Variants in OSCAR observed in about 807,000 individuals in gnomAD.
The protein encoded by OSCAR is osteoclast-associated immunoglobulin-like receptor.
A neutral mutation model predicts 27.3 loss-of-function variants in OSCAR; 25 were observed. The observed-to-expected ratio is 0.92, with a 90% CI of 0.67 to 1.28. The LOEUF (loss-of-function observed/expected upper bound fraction) is 1.28. Ranked by LOEUF, OSCAR falls within the 50% of genes most tolerant of loss-of-function variation. The pLI, the probability that OSCAR is intolerant of heterozygous loss-of-function variation, is 0.00. For missense variants in OSCAR, 354 were observed against 355.1 expected (o/e 1.00, Z 0.03); for synonymous variants, 158 against 165.7 (o/e 0.95, Z 0.36).
At position 54,095,359 on chromosome 19, in the gene OSCAR, T is replaced by A. The variant is rs767886367; in HGVS notation, c.656-2A>T. On this transcript the variant is annotated splice_acceptor_variant, in intron 4 of 4. Coordinates refer to ENST00000358375, the MANE Select transcript of OSCAR (RefSeq NM_133169.6). LOFTEE classifies it high-confidence loss of function. ...GGGTGTAGTCGGAGGAGCCAGAGTC[T>A]GCGGGCGGAGCCGGGAGAGAGGGGC... 6.4e-7 allele frequency: 1 copy of A among 1,556,376 alleles called. No individual in the cohort carries two copies. Among genetic ancestry groups the A allele is most frequent in the South Asian group, 1.2e-5 (1 of 84,576 alleles).
rs1166909767 is a variant in OSCAR, at chr19:54,096,164, G to T, written c.374-11C>A. ...GCCGCGGCAGCTCCTCTGCAGAGAC[G>T]GGGTGAGAGTCCGGGGCCGCGTGAG... is the stretch of plus-strand genomic sequence containing the variant. On this transcript the variant is annotated splice_polypyrimidine_tract_variant and intron_variant, in intron 3 of 4. Transcript: ENST00000358375. 18 of 1,500,132 alleles carry T rather than the reference G, an allele frequency of 1.2e-5. No individual in the cohort carries two copies. Among genetic ancestry groups the T allele is most frequent in the Non-Finnish European group, 1.6e-5 (18 of 1,133,970 alleles). 92.9% of individuals were successfully genotyped at this position (1,500,132 alleles called of 1,614,324 possible).
Position 54,095,859 on chromosome 19 carries a change from T to A in OSCAR, c.655+13A>T. On this transcript the variant is annotated intron_variant, in intron 4 of 4. Transcript: ENST00000358375. ...TGGGGCGGAGGAGGCGGGCCGGGCC[T>A]CAGGGCCCTCACCTTCCCAGCTGAT... 6.4e-7 allele frequency: 1 copy of A among 1,552,870 alleles called. No homozygotes were observed. Among genetic ancestry groups the A allele is most frequent in the Non-Finnish European group, 8.7e-7 (1 of 1,147,714 alleles).
chr19:54,098,062 A>T (rs1355786785), intron 2 of OSCAR, among the ~76,000 whole-genome samples: 2 of 152,018 alleles, frequency 1.3e-5, no homozygotes, highest in African/African-American at 4.8e-5. Context: ...CTTTTTTTTT[A>T]AACTATAAAA....
intron 2 of OSCAR, among the ~76,000 whole-genome samples, chr19:54,099,253 T>TTTC (rs2072919650): frequency 7.4e-6 from 1 of 134,278 alleles, no homozygotes; most frequent in Non-Finnish European, 1.6e-5. Context: ...TTTTTTTTTT[T>TTTC]AGTAGAGACG....
In OSCAR at chr19:54,099,787, G is replaced by C; in HGVS notation, c.38-7C>G. 6.2e-7 allele frequency: 1 copy of C among 1,606,938 alleles called. No homozygotes were observed. Among genetic ancestry groups the C allele is most frequent in the South Asian group, 1.1e-5 (1 of 90,024 alleles). On this transcript the variant is annotated splice_region_variant and splice_polypyrimidine_tract_variant and intron_variant, in intron 1 of 4. Transcript: ENST00000358375. ...TCTGTGTGACACAGAGGCCCTGTAG[G>C]AGGTTGAGGGACTAGTTTCTTTTTC...
Position 54,094,996 on chromosome 19 carries a change from G to T in OSCAR, c.*225C>A. On this transcript the variant is annotated 3_prime_UTR_variant, in exon 5 of 5. Transcript: ENST00000358375. The stretch of plus-strand genomic sequence containing the variant: ...GGCAGTGCTGGGATTCGAACCCTCT[G>T]TCTTCTGGCTTGGAAGTCTTAACCA... The T allele has an allele frequency of 3.2e-6, 2 of 627,560 alleles. No homozygotes were observed. Among genetic ancestry groups the T allele is most frequent in the Non-Finnish European group, 4.9e-6 (2 of 408,086 alleles). 38.9% of individuals were successfully genotyped at this position (627,560 alleles called of 1,614,324 possible). A position where few individuals can be genotyped will look rare whatever the true frequency, so the allele number is the denominator to read the frequency against.
At chr19:54,099,059 T>G (rs946290829) in intron 2 of OSCAR, among the ~76,000 whole-genome samples, 24 of 149,362 alleles carry the variant, frequency 1.6e-4, no homozygotes, top group Middle Eastern at 6.8e-3. Flanking sequence ...AAAGAGTTTT[T>G]TTTGTTTGTT....
rs763526062 is a variant in OSCAR, at chr19:54,095,959, G to C, written c.568C>G (p.Pro190Ala). ...ADFTLLGARA[P>A]GTYSCYYHTP... is the part of the protein sequence containing the mutation. ...TGATAGTAGCAGCTGTAGGTGCCGG[G>C]GGCGCGGGCGCCCAGCAGCGTGAAG... The change falls in exon 4 of 5, where the codon CCC (proline) becomes GCC (alanine). Residue 190 changes from proline (P) to alanine (A), a missense_variant. Transcript: ENST00000358375. 1.3e-6 allele frequency: 2 copies of C among 1,590,518 alleles called. No individual in the cohort carries two copies. The highest frequency in any genetic ancestry group is 8.6e-7 in the Non-Finnish European group (1 of 1,169,274).
intron 4 of OSCAR, chr19:54,095,589 G>A (rs2072603616): frequency 6.0e-6 from 7 of 1,176,150 alleles, no homozygotes; most frequent in Non-Finnish European, 8.1e-6. Context: ...GGTCCAGGAA[G>A]GAGGGGCTGG....
chr19:54,100,141 T>A (rs745693856), intron 1 of OSCAR, among the ~76,000 whole-genome samples: 3 of 152,160 alleles, frequency 2.0e-5, no homozygotes, highest in Non-Finnish European at 4.4e-5. Context: ...TCAAAACCCT[T>A]TGTGGCCAGC....
Position 54,096,076 on chromosome 19 carries a change from C to G in OSCAR, c.451G>C (p.Ala151Pro), listed in dbSNP as rs747132878. ...AAGCTCATGTTCCGCAGGCGGCCCGCGCAGCGCAGGCTCACGTTGGCGCCA... is the reference window on the plus strand; with the variant it reads ...AAGCTCATGTTCCGCAGGCGGCCCGGGCAGCGCAGGCTCACGTTGGCGCCA... ...GPGANVSLRC[A>P]GRLRNMSFVL... The change falls in exon 4 of 5, where the codon GCG (alanine) becomes CCG (proline). Residue 151 changes from alanine (A) to proline (P), a missense_variant. By Grantham distance (27) the Ala-to-Pro change is conservative. Coordinates refer to ENST00000358375, the MANE Select transcript of OSCAR (RefSeq NM_133169.6). 1.4e-5 allele frequency: 21 copies of G among 1,536,264 alleles called. No individual in the cohort carries two copies. The highest frequency in any genetic ancestry group is 1.8e-5 in the Non-Finnish European group (21 of 1,146,668).
chr19:54,099,896 T>G (rs1474275061), intron 1 of OSCAR, 116 bp from the exon 2 acceptor site: 3 of 1,233,826 alleles, frequency 2.4e-6, no homozygotes, highest in African/African-American at 1.5e-5. Context: ...CACTGCAACC[T>G]CTGCCTCCCA....
chr19:54,099,703 AG>A, intron 2 of OSCAR, 44 bp downstream of exon 2: 1 of 1,613,742 alleles, frequency 6.2e-7, no homozygotes, highest in Non-Finnish European at 8.5e-7. Flanking sequence ...TAATTGGAAA[AG>A]GGGTGTCAGC....
chr19:54,095,701 G>T, intron 4 of OSCAR, 171 bp downstream of exon 4: 1 of 1,162,930 alleles, frequency 8.6e-7, no homozygotes, highest in Non-Finnish European at 1.2e-6. Flanking sequence ...TCTGAGGGAG[G>T]AGGGGCTGGG....
At chr19:54,099,265 G>C (rs2072922034) in intron 2 of OSCAR, among the ~76,000 whole-genome samples, 1 of 117,942 alleles carries the variant, frequency 8.5e-6, no homozygotes. Context: ...GTAGAGACGG[G>C]GTTTCACCAC....
chr19:54,097,075 G>A lies in OSCAR; in HGVS notation c.160C>T (p.Arg54Trp), dbSNP rs138291432. 55 of 1,614,194 alleles carry A rather than the reference G, an allele frequency of 3.4e-5. No homozygotes were observed. The African/African-American group carries it at 6.3e-4, about 18-fold the overall frequency. The change falls in exon 3 of 5, where the codon CGG becomes TGG. Residue 54 changes from arginine to tryptophan, a missense_variant. Arg to Trp is a moderately radical substitution (Grantham distance 101). Coordinates refer to ENST00000358375, the MANE Select transcript of OSCAR (RefSeq NM_133169.6). ...TPGVNVTLRCRAPQPAWRFGL... is the reference protein window; with the variant it reads ...TPGVNVTLRCWAPQPAWRFGL... Reference sequence around the variant, plus strand: ...AATCTCCAAGCGGGTTGGGGTGCCCGGCATCTCAAGGTCACGTTGACCCCA... The same window carrying A: ...AATCTCCAAGCGGGTTGGGGTGCCCAGCATCTCAAGGTCACGTTGACCCCA...
At position 54,095,188 on chromosome 19, in the gene OSCAR, G is replaced by A. The variant is rs2072564478; in HGVS notation, c.*33C>T. ...GGGTCCCAGCTTCTCCGCCACTCAG[G>A]TTGGAAGTCTCGGGCTGCAGTGCTC... On this transcript the variant is annotated 3_prime_UTR_variant, in exon 5 of 5. Coordinates refer to ENST00000358375, the MANE Select transcript of OSCAR (RefSeq NM_133169.6). The A allele has an allele frequency of 1.2e-5, 19 of 1,602,472 alleles. No homozygotes were observed. The highest frequency in any genetic ancestry group is 1.5e-5 in the Non-Finnish European group (18 of 1,173,984).
Position 54,095,278 on chromosome 19 carries a change from C to A in OSCAR, c.735G>T (p.Ala245=), listed in dbSNP as rs765318712. ...LAGLVLISLG[A]LVTFDWRSQN... ...GACTGCGCCAGTCAAAAGTGACCAG[C>A]GCGCCCAGGGAGATGAGGACCAGCC... Residue 245 remains alanine, a synonymous_variant, in exon 5 of 5, where the codon GCG becomes GCT. Coordinates refer to ENST00000358375, the MANE Select transcript of OSCAR (RefSeq NM_133169.6). 2 of 1,603,096 alleles carry A rather than the reference C, an allele frequency of 1.2e-6. No homozygotes were observed. Among genetic ancestry groups the A allele is most frequent in the East Asian group, 2.2e-5 (1 of 44,496 alleles).
chr19:54,096,394 GC>G (rs2072709359), intron 3 of OSCAR, among the ~76,000 whole-genome samples: 1 of 70,092 alleles, frequency 1.4e-5, no homozygotes. Context: ...CTCTCTCTCT[GC>G]CTCCCTCTCT....
Sources: gnomAD v4.1 joint callset for allele counts (sites outside exome capture counted in the v4.1 genomes callset) on GRCh38, gnomAD v4.1.1 for gene constraint, MANE v1.5 for transcripts, NCBI Gene and HGNC (gene_info 2026-07-23, HGNC 2026-07-21) for gene names.